Variants in ANTXR1 observed in about 807,000 individuals in gnomAD.
ANTXR1 encodes the protein ANTXR cell adhesion molecule 1.
A neutral mutation model predicts 78.1 loss-of-function variants in ANTXR1; 19 were observed. The ratio of observed to expected loss-of-function variants is 0.24; its 90% CI spans 0.17 to 0.36. The LOEUF (loss-of-function observed/expected upper bound fraction) is 0.36. Among genes scored for constraint, ANTXR1 ranks in the 10% least tolerant of loss-of-function variants. The pLI, the probability that ANTXR1 is intolerant of heterozygous loss-of-function variation, is 1.00. For synonymous variants in ANTXR1, 273 were observed against 260.5 expected, an observed-to-expected ratio of 1.05 and a Z score of -0.46; for missense variants, 518 against 718.6, an observed-to-expected ratio of 0.72 and a Z score of 3.19.
intron 9 of ANTXR1, among the ~76,000 whole-genome samples, chr2:69,099,120 T>TC (rs1671526190): frequency 6.6e-6 from 1 of 152,178 alleles, no homozygotes; most frequent in African/African-American, 2.4e-5. Flanking sequence ...CCCCCATTTC[T>TC]CCCTCCCTCC....
chr2:69,192,545 C>T (rs531514849), intron 16 of ANTXR1, among the ~76,000 whole-genome samples: 6 of 152,192 alleles, frequency 3.9e-5, no homozygotes, highest in Non-Finnish European at 8.8e-5. Context: ...ACTGAGCCCA[C>T]CGGATAGTCC....
intron 3 of ANTXR1, among the ~76,000 whole-genome samples, chr2:69,065,211 G>T (rs1670361715): frequency 6.6e-6 from 1 of 152,050 alleles, no homozygotes; most frequent in South Asian, 2.1e-4. Context: ...GGATCACAAG[G>T]TCAGGAGATC....
At chr2:69,084,541 A>G (rs1647653216) in intron 8 of ANTXR1, among the ~76,000 whole-genome samples, 1 of 151,520 alleles carries the variant, frequency 6.6e-6, no homozygotes, top group Admixed American at 6.6e-5. Context: ...AAAATCATAT[A>G]TGAATCCCAG....
At chr2:69,153,322 A>G (rs527800966) in intron 13 of ANTXR1, among the ~76,000 whole-genome samples, 123 of 152,314 alleles carry the variant, frequency 8.1e-4, no homozygotes, top group African/African-American at 2.8e-3. Flanking sequence ...ACAGAGAGAC[A>G]GAGCACTGGA....
chr2:69,213,144 G>A (rs1317327268), intron 17 of ANTXR1, among the ~76,000 whole-genome samples: 1 of 151,868 alleles, frequency 6.6e-6, no homozygotes, highest in Middle Eastern at 3.2e-3. Context: ...CATACAAAGT[G>A]CAAATTATAT....
At chr2:69,143,973 C>A (rs1280508956) in intron 12 of ANTXR1, among the ~76,000 whole-genome samples, 1 of 152,218 alleles carries the variant, frequency 6.6e-6, no homozygotes, top group Non-Finnish European at 1.5e-5. Context: ...AATATATAAA[C>A]TCTGGGAGAG....
intron 10 of ANTXR1, among the ~76,000 whole-genome samples, chr2:69,114,293 G>A (rs1174349881): frequency 6.6e-6 from 1 of 152,134 alleles, no homozygotes; most frequent in Non-Finnish European, 1.5e-5. Context: ...CAACACATAT[G>A]GGTAGATAAT....
intron 4 of ANTXR1, among the ~76,000 whole-genome samples, 182 bp downstream of exon 4, chr2:69,070,910 G>A (rs1192020828): frequency 2.0e-5 from 3 of 152,134 alleles, no homozygotes; most frequent in African/African-American, 7.2e-5. Flanking sequence ...TAAAGAAATG[G>A]ATTCCCTTCC....
At chr2:69,029,513 G>A (rs534569888) in intron 1 of ANTXR1, among the ~76,000 whole-genome samples, 2 of 151,042 alleles carry the variant, frequency 1.3e-5, no homozygotes, top group African/African-American at 4.9e-5. Flanking sequence ...TACAATCTTC[G>A]ATAATTTCTT....
At chr2:69,083,007 C>T (rs1670943460) in intron 8 of ANTXR1, among the ~76,000 whole-genome samples, 2 of 152,182 alleles carry the variant, frequency 1.3e-5, no homozygotes, top group Non-Finnish European at 1.5e-5. Context: ...TCAACGGAAC[C>T]GAGGAATCAA....
intron 17 of ANTXR1, among the ~76,000 whole-genome samples, chr2:69,194,604 G>A (rs1224157194): frequency 6.6e-6 from 1 of 152,204 alleles, no homozygotes; most frequent in Non-Finnish European, 1.5e-5. Flanking sequence ...TGTAATCCCA[G>A]CACTTTGGGA....
In ANTXR1 at chr2:69,119,710, G is replaced by A. The variant is rs147367848; in HGVS notation, c.803-3307G>A. 1.0e-3 allele frequency among the ~76,000 whole-genome samples: 159 copies of A among 152,332 alleles called. 3 individuals are homozygous for A. Among genetic ancestry groups the A allele is most frequent in the Middle Eastern group, 0.01 (3 of 294 alleles). ...GAGGTTGTCATTACAAGGAAACGAA[G>A]CACAGCTTCTATCAAGGCTGGTGCT... On this transcript the variant is annotated intron_variant, in intron 10 of 17. Transcript: ENST00000303714.
chr2:69,062,675 T>C (rs1179340075), intron 3 of ANTXR1, among the ~76,000 whole-genome samples: 1 of 152,106 alleles, frequency 6.6e-6, no homozygotes, highest in East Asian at 1.9e-4. Flanking sequence ...GTGACTGAAA[T>C]GTAAACTGTT....
chr2:69,217,040 TC>T (rs1675195544), intron 17 of ANTXR1, among the ~76,000 whole-genome samples: 1 of 152,180 alleles, frequency 6.6e-6, no homozygotes, highest in Non-Finnish European at 1.5e-5. Context: ...ATAAACTACA[TC>T]TGTCAGCCCC....
intron 12 of ANTXR1, among the ~76,000 whole-genome samples, chr2:69,134,323 A>C (rs1672850392): frequency 1.3e-5 from 2 of 152,208 alleles, no homozygotes. Context: ...GCTGAAACAC[A>C]TGCAGCTATA....
Position 69,124,575 on chromosome 2 carries a change from C to G in ANTXR1, c.883C>G (p.Leu295Val). ...TTGTTGTCATTGCAGGAAAGCTGCA[C>G]TCCAGGTCAGCATGAACGATGGCCT... Reference protein sequence around the residue: ...ILKEVGMKAALQVSMNDGLSF... With the variant: ...ILKEVGMKAAVQVSMNDGLSF... The change falls in exon 12 of 18, where the codon CTC (leucine) becomes GTC (valine). Residue 295 changes from leucine (L) to valine (V), a missense_variant. Around this residue, in one of 5 missense-constraint regions of ANTXR1, gnomAD observed 264 missense variants for 391.8 expected, o/e 0.67. Coordinates refer to ENST00000303714, the MANE Select transcript of ANTXR1 (RefSeq NM_032208.3). 4 of 1,614,196 alleles carry G rather than the reference C, an allele frequency of 2.5e-6. No individual in the cohort carries two copies. Among genetic ancestry groups the G allele is most frequent in the Non-Finnish European group, 3.4e-6 (4 of 1,180,030 alleles).
intron 17 of ANTXR1, among the ~76,000 whole-genome samples, chr2:69,234,495 G>C (rs1675702825): frequency 6.6e-6 from 1 of 152,160 alleles, no homozygotes; most frequent in South Asian, 2.1e-4. Flanking sequence ...GTTATTTATA[G>C]TCTGGGCACA....
Position 69,135,144 on chromosome 2 carries a change from T to C in ANTXR1, c.951+10501T>C, listed in dbSNP as rs149585277. 1,485 of 279,720 alleles carry C rather than the reference T, an allele frequency of 5.3e-3. 20 individuals carry two copies. Among genetic ancestry groups the C allele is most frequent in the African/African-American group, 0.027 (1,248 of 45,932 alleles). The allele number at this position is 279,720 out of a possible 1,614,324, so 17.3% of individuals were successfully genotyped here. ...ATTTTGACAACCCTTGTAACCCTTA[T>C]ATGTATAAAAATATCTTTTAAAAGA... On this transcript the variant is annotated intron_variant, in intron 12 of 17. Transcript: ENST00000303714.
At chr2:69,163,913 G>A (rs530170965) in intron 13 of ANTXR1, among the ~76,000 whole-genome samples, 11 of 152,250 alleles carry the variant, frequency 7.2e-5, no homozygotes, top group African/African-American at 1.2e-4. Flanking sequence ...AACAAAAGAC[G>A]AAAAATGTAC....
Sources: allele counts gnomAD v4.1 joint callset (sites outside exome capture counted in the v4.1 genomes callset), GRCh38; gene constraint gnomAD v4.1.1; regional missense constraint gnomAD v4.1.1; transcripts MANE v1.5; gene names NCBI Gene and HGNC (gene_info 2026-07-23, HGNC 2026-07-21).